Variants in ADARB2 observed in about 807,000 individuals in gnomAD.
ADARB2 encodes inactive double-stranded RNA-specific editase B2.
A neutral mutation model predicts 62.2 loss-of-function variants in ADARB2; 25 were observed. The ratio of observed to expected loss-of-function variants is 0.40; its 90% confidence interval spans 0.29 to 0.56. ADARB2 has a LOEUF of 0.56. Ranked by LOEUF, ADARB2 falls within the 20% of genes least tolerant of loss-of-function variation. ADARB2 has a pLI of 0.43. For missense variants in ADARB2, 1,071 were observed against 1,077.4 expected (o/e 0.99, Z 0.08); for synonymous variants, 572 against 500.8 (o/e 1.14, Z -1.90).
At chr10:1,615,453 GCGGTATGGTGGATGTGTCAGGGTGCA>G (rs1362704287) in intron 1 of ADARB2, among the ~76,000 whole-genome samples, 7 of 152,342 alleles carry the variant, frequency 4.6e-5, no homozygotes, top group African/African-American at 1.7e-4. Context: ...CCCAGGATGC[GCGGTATGGTGGATGTGTCAGGGTGCA>G]CAGCTGTCCG....
intron 3 of ADARB2, chr10:1,290,344 G>A (rs762579280): frequency 1.1e-4 from 16 of 152,316 alleles, no homozygotes; most frequent in Non-Finnish European, 2.2e-4. Context: ...GCCTGCAGCA[G>A]AGTGGAGAAG....
intron 3 of ADARB2, among the ~76,000 whole-genome samples, chr10:1,323,753 C>T (rs1439008481): frequency 1.3e-5 from 2 of 151,724 alleles, no homozygotes; most frequent in African/African-American, 4.8e-5. Flanking sequence ...CAAAATCTTA[C>T]ACAAAAGTAA....
chr10:1,189,728 C>A (rs535720423), intron 8 of ADARB2, among the ~76,000 whole-genome samples: 1 of 151,534 alleles, frequency 6.6e-6, no homozygotes, highest in South Asian at 2.1e-4. Context: ...GAACACATGG[C>A]CCTACCTCCT....
chr10:1,426,746 T>C lies in ADARB2; in HGVS notation c.101-47586A>G, dbSNP rs1281736786. ...TGGCCCAGGAGAGGCGGCAAGGCTG[T>C]GTGCAGACACTTTGCCCCTGGTTGA... On this transcript the variant is annotated intron_variant, in intron 1 of 9. Transcript: ENST00000381312. The surrounding 1 kb of genome is among the most constrained non-coding windows in gnomAD (Gnocchi z 4.1). Among the ~76,000 whole-genome samples the C allele has an allele frequency of 2.0e-5, 3 of 152,328 alleles. No individual in the cohort carries two copies. The East Asian group carries it at 5.8e-4, about 29-fold the overall frequency.
At chr10:1,290,291 C>CCGG (rs1831454448) in intron 3 of ADARB2, 1 of 152,276 alleles carries the variant, frequency 6.6e-6, no homozygotes, top group African/African-American at 2.4e-5. Flanking sequence ...ACGGGCACCT[C>CCGG]CAGCAGAGAG....
chr10:1,219,075 T>C (rs909642245), intron 6 of ADARB2, among the ~76,000 whole-genome samples: 1 of 141,282 alleles, frequency 7.1e-6, no homozygotes, highest in African/African-American at 2.6e-5. Context: ...AAAAAGAGTG[T>C]GTGGCATCTC....
chr10:1,249,157 A>T (rs1021659969), intron 4 of ADARB2, among the ~76,000 whole-genome samples: 2 of 152,228 alleles, frequency 1.3e-5, no homozygotes, highest in Non-Finnish European at 2.9e-5. Context: ...TAAAAAATTA[A>T]GGCCAGGCAC....
chr10:1,728,999 T>C (rs1245937819), intron 1 of ADARB2, among the ~76,000 whole-genome samples: 1 of 152,252 alleles, frequency 6.6e-6, no homozygotes, highest in Non-Finnish European at 1.5e-5. Context: ...TCAAAATTAT[T>C]TCTTCTTCAG....
intron 1 of ADARB2, among the ~76,000 whole-genome samples, chr10:1,404,380 C>G (rs1832688947): frequency 6.6e-6 from 1 of 152,328 alleles, no homozygotes; most frequent in Non-Finnish European, 1.5e-5. Context: ...CTGAGATGCC[C>G]CTCAGTGCCC....
intron 1 of ADARB2, among the ~76,000 whole-genome samples, chr10:1,670,223 T>C (rs1834367470): frequency 6.6e-6 from 1 of 152,260 alleles, no homozygotes; most frequent in Non-Finnish European, 1.5e-5. Context: ...ATAATTTTCA[T>C]ACTAGTTTGT....
chr10:1,583,298 A>T (rs4354632), intron 1 of ADARB2, among the ~76,000 whole-genome samples: 25,582 of 152,222 alleles, frequency 0.17, 2,138 homozygotes, highest in Middle Eastern at 0.2. Flanking sequence ...GTATATACTG[A>T]CAGGGCCCTT....
intron 1 of ADARB2, among the ~76,000 whole-genome samples, chr10:1,697,737 C>T (rs1015020694): frequency 3.9e-5 from 6 of 152,152 alleles, no homozygotes; most frequent in Non-Finnish European, 5.9e-5. Context: ...CGGAAAAGCC[C>T]GGAACCAGTT....
chr10:1,338,886 C>A (rs1831997546), intron 3 of ADARB2, among the ~76,000 whole-genome samples: 1 of 152,178 alleles, frequency 6.6e-6, no homozygotes, highest in Non-Finnish European at 1.5e-5. Context: ...TGAGCTCACT[C>A]ACCCCAACAT....
At chr10:1,453,985 T>C (rs1161821836) in intron 1 of ADARB2, among the ~76,000 whole-genome samples, 5 of 152,176 alleles carry the variant, frequency 3.3e-5, no homozygotes, top group Non-Finnish European at 7.3e-5. Flanking sequence ...TTATATAGTG[T>C]ATTGGTCTGC....
intron 3 of ADARB2, among the ~76,000 whole-genome samples, chr10:1,341,807 G>A (rs762528101): frequency 6.6e-6 from 1 of 150,924 alleles, no homozygotes; most frequent in South Asian, 2.1e-4. Context: ...AGAGAACCAC[G>A]TGCCCCAAAG....
At chr10:1,689,245 C>T (rs1834637056) in intron 1 of ADARB2, among the ~76,000 whole-genome samples, 2 of 152,152 alleles carry the variant, frequency 1.3e-5, no homozygotes, top group African/African-American at 4.8e-5. Flanking sequence ...TTTCTATCAG[C>T]TGAGGCATTT....
chr10:1,361,872 TAA>T (rs1832260466), intron 3 of ADARB2, among the ~76,000 whole-genome samples: 2 of 152,266 alleles, frequency 1.3e-5, no homozygotes, highest in Admixed American at 6.5e-5. Flanking sequence ...CGCACTGGGC[TAA>T]GTGCTTTTTA....
chr10:1,284,239 C>G (rs533184099), intron 3 of ADARB2, among the ~76,000 whole-genome samples: 3 of 152,276 alleles, frequency 2.0e-5, no homozygotes, highest in African/African-American at 7.2e-5. Flanking sequence ...TTGAGGGACC[C>G]TGACCGGCAG....
intron 5 of ADARB2, among the ~76,000 whole-genome samples, chr10:1,234,917 T>C (rs561571363): frequency 6.6e-6 from 1 of 152,014 alleles, no homozygotes; most frequent in South Asian, 2.1e-4. Flanking sequence ...CCCAGCTAAT[T>C]TTTGTATTTT....
Sources: allele counts gnomAD v4.1 joint callset (sites outside exome capture counted in the v4.1 genomes callset), GRCh38; gene constraint gnomAD v4.1.1; non-coding constraint Gnocchi (gnomAD v3.1); transcripts MANE v1.5; gene names NCBI Gene and HGNC (gene_info 2026-07-23, HGNC 2026-07-21).